The following SNED1 variants were observed in gnomAD, a reference collection of about 807,000 sequenced individuals.
The protein encoded by SNED1 is sushi, nidogen and EGF-like domain-containing protein 1.
In SNED1, 81 loss-of-function variants were observed where a neutral mutation model predicts 166.7. The ratio of observed to expected loss-of-function variants is 0.49; its 90% CI spans 0.41 to 0.58. The LOEUF (loss-of-function observed/expected upper bound fraction) is 0.58, where lower values mean the gene tolerates loss of function less well. SNED1 is among the 20% of genes least tolerant of loss of function. The pLI is 0.00. For missense variants in SNED1, 1,604 were observed against 2,000.2 expected (o/e 0.80, Z 3.78); for synonymous variants, 762 against 822.0 (o/e 0.93, Z 1.25).
intron 31 of SNED1, chr2:241,088,985 C>T (rs1460760007): frequency 3.6e-6 from 1 of 275,204 alleles, no homozygotes; most frequent in Non-Finnish European, 6.8e-6. Flanking sequence ...ATTCATAAAT[C>T]CTGACGTGAA....
intron 1 of SNED1, among the ~76,000 whole-genome samples, chr2:241,001,217 C>T (rs749338794): frequency 1.5e-4 from 23 of 152,224 alleles, no homozygotes; most frequent in Non-Finnish European, 1.8e-4. Flanking sequence ...CCCAGCCTGT[C>T]GCTTGACCAA....
chr2:241,082,298 C>T lies in SNED1; in HGVS notation c.4055C>T (p.Pro1352Leu). 1.2e-6 allele frequency: 2 copies of T among 1,613,306 alleles called. No individual in the cohort carries two copies. Among genetic ancestry groups the T allele is most frequent in the Non-Finnish European group, 1.7e-6 (2 of 1,179,338 alleles). The change falls in exon 29 of 32, where the codon CCC becomes CTC. Residue 1352 changes from proline (P) to leucine (L), a missense_variant. This residue lies in a region of SNED1 where 367 missense variants were observed against 379.4 expected (regional missense o/e 0.97). Coordinates refer to ENST00000310397, the MANE Select transcript of SNED1 (RefSeq NM_001080437.3). ...CELACIKVSR[P>L]CTRLFSETKA... Reference sequence around the variant, plus strand: ...GCAGCCTGTATAAAGGTGTCCCGCCCCTGCACAAGGCTGTTCTCCGAGACA... The same window carrying T: ...GCAGCCTGTATAAAGGTGTCCCGCCTCTGCACAAGGCTGTTCTCCGAGACA...
At chr2:241,060,033 A>G (rs1299649882) in intron 16 of SNED1, among the ~76,000 whole-genome samples, 2 of 152,252 alleles carry the variant, frequency 1.3e-5, no homozygotes, top group Admixed American at 6.5e-5. Context: ...AGTGAATTCA[A>G]CTAGATCCCA....
intron 16 of SNED1, among the ~76,000 whole-genome samples, chr2:241,062,153 G>A (rs999658195): frequency 2.0e-5 from 3 of 152,052 alleles, no homozygotes; most frequent in African/African-American, 7.2e-5. Context: ...ATATTTTACT[G>A]CCAGAAAACC....
At position 241,094,707 on chromosome 2, in the gene SNED1, G is replaced by C; in HGVS notation, c.*3071G>C. The C allele has an allele frequency of 3.4e-6, 1 of 294,012 alleles. No individual in the cohort carries two copies. The highest frequency in any genetic ancestry group is 6.7e-6 in the Non-Finnish European group (1 of 150,022). 18.2% of individuals were successfully genotyped at this position (294,012 alleles called of 1,614,324 possible). On this transcript the variant is annotated 3_prime_UTR_variant, in exon 32 of 32. Transcript: ENST00000310397. The surrounding 1 kb of genome is among the most constrained non-coding windows in gnomAD (Gnocchi z 4.3). ...TGGGCCGGATCATCCTCTCTTGTGG[G>C]ACCATCCTGTGCACTGCAGGATGTT...
intron 9 of SNED1, 22 bp from the exon 10 acceptor site, chr2:241,048,640 C>G: frequency 6.3e-7 from 1 of 1,587,392 alleles, no homozygotes; most frequent in Non-Finnish European, 8.6e-7. Flanking sequence ...ACATGGGAGG[C>G]TCCTCCCTCT....
At chr2:241,072,531 G>A in intron 26 of SNED1, 1 of 329,388 alleles carries the variant, frequency 3.0e-6, no homozygotes, top group Admixed American at 4.5e-5. Context: ...CTCCCCAACA[G>A]AGCCTAGTCA....
At chr2:241,020,460 G>T (rs977382680) in intron 1 of SNED1, among the ~76,000 whole-genome samples, 1 of 152,228 alleles carries the variant, frequency 6.6e-6, no homozygotes, top group Non-Finnish European at 1.5e-5. Flanking sequence ...CAGAGCCAGT[G>T]GCTCACGTCA....
At chr2:241,070,897 G>A (rs879442326) in intron 24 of SNED1, among the ~76,000 whole-genome samples, 1 of 152,232 alleles carries the variant, frequency 6.6e-6, no homozygotes, top group East Asian at 1.9e-4. Context: ...CCCCAGGGAA[G>A]AGAGGGCTCT....
rs566553111 is a variant in SNED1 at position 241,068,299 on chromosome 2, G to A, written c.3194+352G>A. The stretch of plus-strand genomic sequence containing the variant: ...AGCGAGGGTAGATGGTAGCAGCCCC[G>A]AGCTCTCCCAGGAGTCCCACAGTGG... On this transcript the variant is annotated intron_variant, in intron 22 of 31. Transcript: ENST00000310397. The surrounding 1 kb of genome is among the most constrained non-coding windows in gnomAD (Gnocchi z 5.3). Among the ~76,000 whole-genome samples, 14 of 148,168 alleles carry A rather than the reference G, an allele frequency of 9.4e-5. No homozygotes were observed. Among genetic ancestry groups the A allele is most frequent in the East Asian group, 1.9e-4 (1 of 5,150 alleles).
chr2:241,025,057 A>C (rs1482078855), intron 1 of SNED1, among the ~76,000 whole-genome samples: 1 of 152,184 alleles, frequency 6.6e-6, no homozygotes, highest in Non-Finnish European at 1.5e-5. Context: ...AGGGGTCCCC[A>C]GTCCCTGGGG....
Sources: gnomAD v4.1 joint callset for allele counts (sites outside exome capture counted in the v4.1 genomes callset) on GRCh38, gnomAD v4.1.1 for gene constraint, gnomAD v4.1.1 regional missense constraint, Gnocchi (gnomAD v3.1) non-coding constraint, MANE v1.5 for transcripts, NCBI Gene and HGNC (gene_info 2026-07-23, HGNC 2026-07-21) for gene names.